Variants in KDM5A observed in about 807,000 individuals in gnomAD.
KDM5A encodes the protein lysine-specific demethylase 5A.
Under a neutral mutation model 193.5 loss-of-function variants are expected in KDM5A, and 42 were observed. The observed-to-expected ratio is 0.22, with a 90% CI of 0.17 to 0.28. The LOEUF (loss-of-function observed/expected upper bound fraction) is 0.28, where lower values mean the gene tolerates loss of function less well. Ranked by LOEUF, KDM5A falls within the 10% of genes least tolerant of loss-of-function variation. The pLI, the probability that KDM5A is intolerant of heterozygous loss-of-function variation, is 1.00. For synonymous variants in KDM5A, 796 were observed against 718.1 expected (o/e 1.11, Z -1.73); for missense variants, 1,692 against 2,055.1 (o/e 0.82, Z 3.42).
At chr12:385,421 A>G (rs11062700) in intron 2 of KDM5A, among the ~76,000 whole-genome samples, 1 of 152,030 alleles carries the variant, frequency 6.6e-6, no homozygotes, top group Non-Finnish European at 1.5e-5. Context: ...TAATTAAAAA[A>G]TAATACTTAA....
chr12:353,962 A>G lies in KDM5A; in HGVS notation c.1029+114T>C. On this transcript the variant is annotated intron_variant, in intron 8 of 27. Coordinates refer to ENST00000399788, the MANE Select transcript of KDM5A (RefSeq NM_001042603.3). The stretch of plus-strand genomic sequence containing the variant: ...GTCCTGGAAATTTTAAACACTACAT[A>G]ATGAAGACAGAATGACAAAAGGAAA... 7.9e-6 allele frequency: 7 copies of G among 882,482 alleles called. No individual in the cohort carries two copies. In the South Asian group the frequency reaches 1.1e-4, roughly 13 times the overall value. 54.7% of individuals were successfully genotyped at this position (882,482 alleles called of 1,614,324 possible). A position where few individuals can be genotyped will look rare whatever the true frequency, so the allele number is the denominator to read the frequency against.
chr12:350,996 C>T (rs1944150620), intron 9 of KDM5A, among the ~76,000 whole-genome samples: 1 of 152,070 alleles, frequency 6.6e-6, no homozygotes, highest in Non-Finnish European at 1.5e-5. Flanking sequence ...AACTGTGCTG[C>T]CCTTTTCCGA....
At chr12:316,497 T>C (rs1565531482) in intron 19 of KDM5A, among the ~76,000 whole-genome samples, 1 of 152,094 alleles carries the variant, frequency 6.6e-6, no homozygotes, top group Non-Finnish European at 1.5e-5. Flanking sequence ...GAAAGACATG[T>C]TGGAGACAGA....
At chr12:318,579 T>C (rs1190373201) in intron 18 of KDM5A, 118 bp from the exon 19 acceptor site, 3 of 704,990 alleles carry the variant, frequency 4.3e-6, no homozygotes, top group African/African-American at 3.6e-5. Flanking sequence ...CTCACCATCA[T>C]AACACCAAAT....
intron 10 of KDM5A, among the ~76,000 whole-genome samples, chr12:345,221 A>T (rs1383726930): frequency 6.6e-6 from 1 of 152,234 alleles, no homozygotes; most frequent in Non-Finnish European, 1.5e-5. Flanking sequence ...AGAGCTAACT[A>T]TCCTAAATAT....
intron 20 of KDM5A, among the ~76,000 whole-genome samples, chr12:311,365 C>T (rs1943584562): frequency 1.3e-5 from 2 of 152,006 alleles, no homozygotes; most frequent in South Asian, 4.2e-4. Flanking sequence ...GTTAGCAGGC[C>T]AGGCGTGGTG....
chr12:340,144 C>G (rs1273587789), intron 10 of KDM5A, among the ~76,000 whole-genome samples: 2 of 152,046 alleles, frequency 1.3e-5, no homozygotes, highest in Non-Finnish European at 2.9e-5. Context: ...TCCCAAAGTG[C>G]TAGGATTATG....
chr12:326,760 C>T (rs1029792246), intron 14 of KDM5A, among the ~76,000 whole-genome samples: 3 of 147,260 alleles, frequency 2.0e-5, no homozygotes, highest in South Asian at 2.2e-4. Flanking sequence ...ACTCGGGAGG[C>T]TGAGGTAGGT....
At chr12:293,701 C>A (rs1376523371) in intron 26 of KDM5A, among the ~76,000 whole-genome samples, 1 of 147,076 alleles carries the variant, frequency 6.8e-6, no homozygotes, top group Non-Finnish European at 1.5e-5. Context: ...ATGGCTTGAT[C>A]CCGGGAGGCG....
chr12:378,773 AG>A lies in KDM5A; in HGVS notation c.366+5257del, dbSNP rs1238083372. On this transcript the variant is annotated intron_variant, in intron 3 of 27. Coordinates refer to ENST00000399788, the MANE Select transcript of KDM5A (RefSeq NM_001042603.3). ...GGAGATTGAGACCATCCTGGCTAACAGGGTGAAACCCCGTCTCTACTAAAAA... is the reference window on the plus strand; with the variant it reads ...GGAGATTGAGACCATCCTGGCTAACAGGTGAAACCCCGTCTCTACTAAAAA... 8.8e-4 allele frequency among the ~76,000 whole-genome samples: 132 copies of A among 150,712 alleles called. 1 individual carries two copies. Among genetic ancestry groups the A allele is most frequent in the African/African-American group, 2.9e-3 (119 of 41,022 alleles).
At chr12:344,358 G>C (rs1591922970) in intron 10 of KDM5A, among the ~76,000 whole-genome samples, 1 of 152,180 alleles carries the variant, frequency 6.6e-6, no homozygotes, top group Non-Finnish European at 1.5e-5. Context: ...TATTATCCAG[G>C]AGAACTTCCC....
intron 10 of KDM5A, among the ~76,000 whole-genome samples, chr12:341,183 G>C (rs767215848): frequency 1.3e-5 from 2 of 152,128 alleles, no homozygotes; most frequent in Non-Finnish European, 2.9e-5. Flanking sequence ...AAAAAATGAA[G>C]TCTCTCTCTA....
chr12:384,328 C>T (rs1944613711), intron 2 of KDM5A, among the ~76,000 whole-genome samples, 175 bp from the exon 3 acceptor site: 1 of 152,222 alleles, frequency 6.6e-6, no homozygotes, highest in Non-Finnish European at 1.5e-5. Context: ...GCAAGCATTA[C>T]CACAAACCCT....
In KDM5A at chr12:365,942, T is replaced by G; in HGVS notation, c.529A>C (p.Ser177Arg). Residue 177 changes from serine (S) to arginine (R), a missense_variant, in exon 4 of 28, where the codon AGC becomes CGC. Coordinates refer to ENST00000399788, the MANE Select transcript of KDM5A (RefSeq NM_001042603.3). ...YPYELFQSGV[S>R]LMGVQMPNLD... ...AGAATAATGCATCTCACCATAAGGC[T>G]CACACCAGACTGGAAAAGCTCATAT... 1 of 1,613,780 alleles carries G rather than the reference T, an allele frequency of 6.2e-7. No homozygotes were observed. The highest frequency in any genetic ancestry group is 8.5e-7 in the Non-Finnish European group (1 of 1,179,704).
Position 328,982 on chromosome 12 carries a change from G to A in KDM5A, c.1821C>T (p.Arg607=). 6.2e-7 allele frequency: 1 copy of A among 1,614,196 alleles called. No homozygotes were observed. Among genetic ancestry groups the A allele is most frequent in the Non-Finnish European group, 8.5e-7 (1 of 1,180,010 alleles). Residue 607 remains arginine, a synonymous_variant, in exon 14 of 28, where the codon CGC becomes CGT. Transcript: ENST00000399788. The part of the protein sequence containing the change: ...QCVNHYRRLR[R]HCVFSHEELI... ...GTTCCTCGTGTGAAAAGACACAGTG[G>A]CGCCTTAGGCGTCGGTAATGATTTA...
At chr12:332,885 G>T (rs4980883) in intron 12 of KDM5A, among the ~76,000 whole-genome samples, 1 of 151,878 alleles carries the variant, frequency 6.6e-6, no homozygotes, top group Non-Finnish European at 1.5e-5. Context: ...AGATAACAAA[G>T]AATATGAGAT....
At chr12:354,337 T>C in intron 7 of KDM5A, 103 bp from the exon 8 acceptor site, 2 of 762,822 alleles carry the variant, frequency 2.6e-6, no homozygotes, top group South Asian at 3.6e-5. Flanking sequence ...AACTGAAAAG[T>C]AAACATAACT....
In KDM5A at chr12:384,289, G is replaced by A; in HGVS notation, c.244-136C>T. The A allele has an allele frequency of 4.3e-6, 3 of 703,922 alleles. No individual in the cohort carries two copies. The Admixed American group carries it at 6.1e-5, about 14-fold the overall frequency. The allele number at this position is 703,922 out of a possible 1,614,324, so 43.6% of individuals were successfully genotyped here. A position where few individuals can be genotyped will look rare whatever the true frequency, so the allele number is the denominator to read the frequency against. ...TAGGAACCCAGCCACACAGCAGGAG[G>A]TGAGCAGCGGCAGTGGGCAACCAAC... is the stretch of plus-strand genomic sequence containing the variant. On this transcript the variant is annotated intron_variant, in intron 2 of 27. Transcript: ENST00000399788.
intron 3 of KDM5A, among the ~76,000 whole-genome samples, chr12:367,929 T>C (rs963989287): frequency 6.6e-6 from 1 of 152,074 alleles, no homozygotes; most frequent in African/African-American, 2.4e-5. Flanking sequence ...ATTTCACTTC[T>C]AGATATATAC....
Sources: gnomAD v4.1 joint callset for allele counts (sites outside exome capture counted in the v4.1 genomes callset) on GRCh38, gnomAD v4.1.1 for gene constraint, MANE v1.5 for transcripts, NCBI Gene and HGNC (gene_info 2026-07-23, HGNC 2026-07-21) for gene names.